Variants in UNC5A observed in about 807,000 individuals in gnomAD.
UNC5A encodes the protein unc-5 netrin receptor A.
Under a neutral mutation model 87.4 loss-of-function variants are expected in UNC5A, and 20 were observed. That is an observed-to-expected ratio of 0.23 (90% CI 0.16 to 0.33). UNC5A has a LOEUF of 0.33. Among genes scored for constraint, UNC5A ranks in the 10% least tolerant of loss-of-function variants. The probability of loss-of-function intolerance (pLI) is 1.00; values close to 1 mark genes in which losing one functional copy is unlikely to be tolerated. For synonymous variants in UNC5A, 438 were observed against 482.3 expected (o/e 0.91, Z 1.20); for missense variants, 844 against 1,133.4 (o/e 0.74, Z 3.67).
rs1018605824 is a variant in UNC5A at position 176,878,139 on chromosome 5, C to A, written c.1869+12C>A. 1.2e-6 allele frequency: 2 copies of A among 1,605,262 alleles called. No homozygotes were observed. Among genetic ancestry groups the A allele is most frequent in the East Asian group, 4.5e-5 (2 of 44,800 alleles). On this transcript the variant is annotated intron_variant, in intron 11 of 14. Coordinates refer to ENST00000329542, the MANE Select transcript of UNC5A (RefSeq NM_133369.3). ...ACGATGCACTCAAGGTATCTCCCGC[C>A]CCTCACCCCCCGCCGCTGGGAGGCC...
At chr5:176,839,402 C>T (rs1490697067) in intron 1 of UNC5A, among the ~76,000 whole-genome samples, 1 of 152,212 alleles carries the variant, frequency 6.6e-6, no homozygotes, top group African/African-American at 2.4e-5. Context: ...GTGGACATGC[C>T]TCCCAGGGCC....
Position 176,874,224 on chromosome 5 carries a change from GC to G in UNC5A, c.1076-37del, listed in dbSNP as rs1758204023. 1.3e-6 allele frequency: 2 copies of G among 1,588,572 alleles called. No homozygotes were observed. The highest frequency in any genetic ancestry group is 1.7e-6 in the Non-Finnish European group (2 of 1,165,140). Reference sequence around the variant, plus strand: ...CGCCAAGGGCTGCTGGGGCAGGGATGCCCTAGGTGCCATTGCCTGAGTCTGT... The same window carrying G: ...CGCCAAGGGCTGCTGGGGCAGGGATGCCTAGGTGCCATTGCCTGAGTCTGT... On this transcript the variant is annotated intron_variant, in intron 7 of 14. Coordinates refer to ENST00000329542, the MANE Select transcript of UNC5A (RefSeq NM_133369.3). The surrounding 1 kb of genome is among the most constrained non-coding windows in gnomAD (Gnocchi z 7.6).
At chr5:176,864,065 A>G (rs1757913756) in intron 2 of UNC5A, among the ~76,000 whole-genome samples, 1 of 151,712 alleles carries the variant, frequency 6.6e-6, no homozygotes, top group African/African-American at 2.4e-5. Flanking sequence ...CGTGAGGCTC[A>G]AGCCACAGTG....
rs1757353559 is a variant in UNC5A at position 176,844,431 on chromosome 5, GTCCAC to G, written c.71-18192_71-18188del. Reference sequence around the variant, plus strand: ...GAAGGAGAGGCCAGGGGAAGTTTATGTCCACCCACGGTGTCCCAGCTGAGCGAGAA... The same window carrying G: ...GAAGGAGAGGCCAGGGGAAGTTTATGCCACGGTGTCCCAGCTGAGCGAGAA... On this transcript the variant is annotated intron_variant, in intron 1 of 14. Coordinates refer to ENST00000329542, the MANE Select transcript of UNC5A (RefSeq NM_133369.3). This position sits in a 1 kb window ranked among gnomAD's most constrained non-coding sequence, Gnocchi z 4.2. Among the ~76,000 whole-genome samples, 1 of 152,106 alleles carries G rather than the reference GTCCAC, an allele frequency of 6.6e-6. No individual in the cohort carries two copies. Among genetic ancestry groups the G allele is most frequent in the African/African-American group, 2.4e-5 (1 of 41,444 alleles).
rs1757869293 is a variant in UNC5A, at chr5:176,862,667, C to T, written c.114C>T (p.Ala38=). ...CCGTGGCCAACCCAGTGCCTGGTGC[C>T]AACCCGGACCTGCTTCCCCACTTCC... ...SATVANPVPG[A]NPDLLPHFLV... Residue 38 remains alanine, a synonymous_variant, in exon 2 of 15, where the codon GCC becomes GCT. Transcript: ENST00000329542. 1.3e-5 allele frequency: 21 copies of T among 1,613,500 alleles called. No individual in the cohort carries two copies. The highest frequency in any genetic ancestry group is 1.7e-5 in the Non-Finnish European group (20 of 1,179,994).
intron 1 of UNC5A, among the ~76,000 whole-genome samples, chr5:176,815,190 C>T (rs1474823216): frequency 6.6e-6 from 1 of 152,228 alleles, no homozygotes; most frequent in Non-Finnish European, 1.5e-5. Flanking sequence ...CACAGAGTCA[C>T]GTCAAGACGT....
intron 1 of UNC5A, among the ~76,000 whole-genome samples, chr5:176,827,926 T>C (rs1756894749): frequency 6.7e-6 from 1 of 148,752 alleles, no homozygotes; most frequent in Non-Finnish European, 1.5e-5. Flanking sequence ...TGGTTCAAGA[T>C]TGGCAACAGA....
At chr5:176,829,397 G>A (rs1278624323) in intron 1 of UNC5A, among the ~76,000 whole-genome samples, 1 of 146,790 alleles carries the variant, frequency 6.8e-6, no homozygotes, top group Non-Finnish European at 1.5e-5. Flanking sequence ...TGGATGGATG[G>A]GTGGATGTAT....
At chr5:176,855,482 A>G (rs1757645086) in intron 1 of UNC5A, among the ~76,000 whole-genome samples, 1 of 152,228 alleles carries the variant, frequency 6.6e-6, no homozygotes, top group African/African-American at 2.4e-5. Context: ...CGTGGCCTGC[A>G]TGGTGGGAGG....
chr5:176,862,702 C>G lies in UNC5A; in HGVS notation c.149C>G (p.Pro50Arg). 6.2e-7 allele frequency: 1 copy of G among 1,613,550 alleles called. No individual in the cohort carries two copies. Among genetic ancestry groups the G allele is most frequent in the Non-Finnish European group, 8.5e-7 (1 of 1,180,004 alleles). Reference sequence around the variant, plus strand: ...CTGCTTCCCCACTTCCTGGTGGAGCCCGAGGATGTGTACATCGTCAAGAAC... The same window carrying G: ...CTGCTTCCCCACTTCCTGGTGGAGCGCGAGGATGTGTACATCGTCAAGAAC... ...PDLLPHFLVE[P>R]EDVYIVKNKP... The change falls in exon 2 of 15, where the codon CCC becomes CGC. Residue 50 changes from proline to arginine, a missense_variant. By Grantham distance (103) the Pro-to-Arg change is moderately radical (BLOSUM62 -2). This residue lies in a region of UNC5A where 314 missense variants were observed against 466.5 expected (regional missense o/e 0.67). Transcript: ENST00000329542.
chr5:176,840,922 G>A (rs1757261045), intron 1 of UNC5A, among the ~76,000 whole-genome samples: 1 of 152,258 alleles, frequency 6.6e-6, no homozygotes, highest in African/African-American at 2.4e-5. Context: ...GCTGCTGGCA[G>A]TGGGGTGGCC....
intron 14 of UNC5A, 38 bp downstream of exon 14, chr5:176,879,526 A>G (rs953847513): frequency 1.2e-5 from 19 of 1,572,952 alleles, no homozygotes; most frequent in Non-Finnish European, 1.6e-5. Context: ...TGCGCAGGCC[A>G]CCGACAGTCC....
intron 6 of UNC5A, 103 bp downstream of exon 6, chr5:176,870,637 G>A (rs1581275171): frequency 3.7e-6 from 5 of 1,336,600 alleles, no homozygotes; most frequent in Non-Finnish European, 5.0e-6. Context: ...GCCAAAGGCT[G>A]TAGCCTCTCC....
At chr5:176,853,410 G>A (rs887035664) in intron 1 of UNC5A, among the ~76,000 whole-genome samples, 4 of 152,120 alleles carry the variant, frequency 2.6e-5, no homozygotes, top group East Asian at 3.9e-4. Context: ...GAGCGGTGCC[G>A]CCCCCGCCCT....
At chr5:176,834,069 C>T (rs141414471) in intron 1 of UNC5A, among the ~76,000 whole-genome samples, 20 of 152,264 alleles carry the variant, frequency 1.3e-4, no homozygotes, top group South Asian at 6.2e-4. Flanking sequence ...TGTGGAGTGC[C>T]GCATCTGTGC....
chr5:176,822,265 C>T (rs778152215), intron 1 of UNC5A, among the ~76,000 whole-genome samples: 3 of 152,228 alleles, frequency 2.0e-5, no homozygotes, highest in Admixed American at 6.5e-5. Flanking sequence ...CTCTGTGACA[C>T]GCCCTGGAAG....
Position 176,869,058 on chromosome 5 carries a change from C to A in UNC5A, c.721+94C>A. On this transcript the variant is annotated intron_variant, in intron 5 of 14. Coordinates refer to ENST00000329542, the MANE Select transcript of UNC5A (RefSeq NM_133369.3). This position sits in a 1 kb window ranked among gnomAD's most constrained non-coding sequence, Gnocchi z 9.1. ...GTGGGGTGAAGAGAGGCCATGAGGC[C>A]AAAGCCAGGTGGACCAGATCGTGCC... is the stretch of plus-strand genomic sequence containing the variant. 1 of 1,380,492 alleles carries A rather than the reference C, an allele frequency of 7.2e-7. No homozygotes were observed. Among genetic ancestry groups the A allele is most frequent in the Non-Finnish European group, 9.7e-7 (1 of 1,030,352 alleles). 85.5% of individuals were successfully genotyped at this position (1,380,492 alleles called of 1,614,324 possible).
intron 1 of UNC5A, among the ~76,000 whole-genome samples, chr5:176,843,774 C>T (rs1329060854): frequency 6.6e-6 from 1 of 152,190 alleles, no homozygotes; most frequent in Non-Finnish European, 1.5e-5. Context: ...CCAAGGAGGG[C>T]GCCTCTCCTC....
intron 1 of UNC5A, among the ~76,000 whole-genome samples, chr5:176,833,683 A>C (rs1014236314): frequency 6.7e-6 from 1 of 150,034 alleles, no homozygotes; most frequent in Non-Finnish European, 1.5e-5. Flanking sequence ...TAGCTCAGTC[A>C]CACAGCCTCT....
Sources: allele counts gnomAD v4.1 joint callset (sites outside exome capture counted in the v4.1 genomes callset), GRCh38; gene constraint gnomAD v4.1.1; regional missense constraint gnomAD v4.1.1; non-coding constraint Gnocchi (gnomAD v3.1); transcripts MANE v1.5; gene names NCBI Gene and HGNC (gene_info 2026-07-23, HGNC 2026-07-21).